The following ASTN2 variants were observed in gnomAD, a reference collection of about 807,000 sequenced individuals.
ASTN2 encodes the protein astrotactin 2.
In ASTN2, 54 loss-of-function variants were observed where a neutral mutation model predicts 139.8. The observed-to-expected ratio is 0.39, with a 90% CI of 0.31 to 0.48. The LOEUF is 0.48. Among genes scored for constraint, ASTN2 ranks in the 20% least tolerant of loss-of-function variants. ASTN2 has a pLI of 0.95. For missense variants in ASTN2, 1,565 were observed against 1,725.1 expected (o/e 0.91, Z 1.64); for synonymous variants, 756 against 719.5 (o/e 1.05, Z -0.81).
chr9:116,657,240 C>T (rs1858271015), intron 16 of ASTN2, among the ~76,000 whole-genome samples: 1 of 152,192 alleles, frequency 6.6e-6, no homozygotes, highest in Non-Finnish European at 1.5e-5. Context: ...AATCAAAGTC[C>T]TGCATCATTA....
intron 13 of ASTN2, among the ~76,000 whole-genome samples, chr9:116,799,314 G>A (rs1403679193): frequency 6.6e-6 from 1 of 152,154 alleles, no homozygotes; most frequent in Non-Finnish European, 1.5e-5. Context: ...AGCGTGGGTT[G>A]TGGGTGCTGA....
intron 10 of ASTN2, among the ~76,000 whole-genome samples, chr9:116,876,147 T>A (rs576519136): frequency 1.3e-5 from 2 of 152,326 alleles, no homozygotes; most frequent in East Asian, 3.9e-4. Context: ...GAGGTCAAAA[T>A]ATCAATATTA....
intron 1 of ASTN2, among the ~76,000 whole-genome samples, chr9:117,366,233 A>G (rs958597399): frequency 3.3e-5 from 5 of 152,168 alleles, no homozygotes; most frequent in Middle Eastern, 3.2e-3. Context: ...AATACACTCA[A>G]TGATCATGCT....
intron 10 of ASTN2, among the ~76,000 whole-genome samples, chr9:116,907,004 C>A (rs745426460): frequency 1.3e-5 from 2 of 152,142 alleles, no homozygotes; most frequent in Non-Finnish European, 2.9e-5. Context: ...TATTGAGCAA[C>A]TATAATGTAA....
At chr9:116,763,210 T>C (rs1299007386) in intron 13 of ASTN2, among the ~76,000 whole-genome samples, 1 of 152,206 alleles carries the variant, frequency 6.6e-6, no homozygotes, top group Non-Finnish European at 1.5e-5. Flanking sequence ...ATGTTTAGCA[T>C]GTCGTTTGGC....
At chr9:116,512,291 T>C (rs1442847237) in intron 19 of ASTN2, among the ~76,000 whole-genome samples, 1 of 152,238 alleles carries the variant, frequency 6.6e-6, no homozygotes, top group Non-Finnish European at 1.5e-5. Flanking sequence ...CGTTGCTCAG[T>C]TTCCAGGTAG....
chr9:116,484,199 T>C (rs1318582445), intron 20 of ASTN2, among the ~76,000 whole-genome samples: 1 of 152,200 alleles, frequency 6.6e-6, no homozygotes, highest in African/African-American at 2.4e-5. Context: ...AAGAAGAAAG[T>C]GGCTAACACG....
chr9:117,094,104 A>C, intron 5 of ASTN2, among the ~76,000 whole-genome samples: 1 of 131,730 alleles, frequency 7.6e-6, no homozygotes, highest in East Asian at 2.8e-4. Context: ...AGGAAGAAAG[A>C]AAGGAGGGAG....
At chr9:117,116,856 A>G (rs1829408198) in intron 4 of ASTN2, among the ~76,000 whole-genome samples, 1 of 150,164 alleles carries the variant, frequency 6.7e-6, no homozygotes, top group Admixed American at 6.6e-5. Context: ...AAAAAAAAAA[A>G]AAAAAAAAAG....
intron 3 of ASTN2, among the ~76,000 whole-genome samples, chr9:117,157,838 A>C (rs1830464417): frequency 6.6e-6 from 1 of 152,008 alleles, no homozygotes; most frequent in Admixed American, 6.6e-5. Flanking sequence ...TAGTCTGTAT[A>C]ACATATATAA....
intron 1 of ASTN2, among the ~76,000 whole-genome samples, chr9:117,313,504 T>C (rs1196643514): frequency 6.6e-6 from 1 of 152,146 alleles, no homozygotes; most frequent in Non-Finnish European, 1.5e-5. Flanking sequence ...TAATGATGCC[T>C]TAAGAAGCAA....
At chr9:117,391,365 GT>G (rs1441536041) in intron 1 of ASTN2, among the ~76,000 whole-genome samples, 1 of 152,178 alleles carries the variant, frequency 6.6e-6, no homozygotes, top group Non-Finnish European at 1.5e-5. Context: ...CACATGGCTG[GT>G]GAGGCCTCAC....
chr9:116,840,509 A>ACC (rs748543769), intron 11 of ASTN2, among the ~76,000 whole-genome samples: 12 of 32,212 alleles, frequency 3.7e-4, no homozygotes, highest in East Asian at 1.9e-3. Context: ...CGGGGGGCTG[A>ACC]CCCCCCCCAC....
chr9:117,214,611 G>A lies in ASTN2; in HGVS notation c.762C>T (p.Tyr254=), dbSNP rs773440555. The A allele has an allele frequency of 1.9e-6, 3 of 1,595,406 alleles. No homozygotes were observed. Among genetic ancestry groups the A allele is most frequent in the African/African-American group, 2.7e-5 (2 of 74,652 alleles). The change falls in exon 3 of 23, where the codon TAC becomes TAT. Residue 254 remains tyrosine (Y), a synonymous_variant. Transcript: ENST00000313400. The part of the protein sequence containing the change: ...ASTEATHEIH[Y]IPSVLLGPQA... Reference sequence around the variant, plus strand: ...GGGGACCCAGCAGCACAGATGGGATGTAGTGGATCTCATGAGTGGCTTCTG... The same window carrying A: ...GGGGACCCAGCAGCACAGATGGGATATAGTGGATCTCATGAGTGGCTTCTG...
intron 4 of ASTN2, among the ~76,000 whole-genome samples, chr9:117,123,331 T>C (rs1357943195): frequency 2.0e-5 from 3 of 151,980 alleles, no homozygotes; most frequent in Non-Finnish European, 1.5e-5. Flanking sequence ...AGAGGCCATA[T>C]GTGTCACAGT....
At chr9:117,311,479 G>T (rs140592155) in intron 1 of ASTN2, among the ~76,000 whole-genome samples, 1 of 152,204 alleles carries the variant, frequency 6.6e-6, no homozygotes, top group East Asian at 1.9e-4. Flanking sequence ...TTCACACCAA[G>T]TGAGAAGGGA....
chr9:117,345,062 G>C (rs893902341), intron 1 of ASTN2, among the ~76,000 whole-genome samples: 3 of 152,024 alleles, frequency 2.0e-5, no homozygotes, highest in Non-Finnish European at 4.4e-5. Flanking sequence ...GAGGTGGGAG[G>C]GTCCATGGAG....
chr9:116,863,332 C>A (rs1832939437), intron 11 of ASTN2, among the ~76,000 whole-genome samples: 1 of 152,184 alleles, frequency 6.6e-6, no homozygotes, highest in Non-Finnish European at 1.5e-5. Flanking sequence ...TTCTCTAAGA[C>A]CTATTGTGTG....
rs1367989872 is a variant in ASTN2 at position 117,179,146 on chromosome 9, A to G, written c.1015+35212T>C. ...GAAGGCTTACTATGTGCCAGGAAAT[A>G]TCCCATGTGCTGATTACAGAGTATG... On this transcript the variant is annotated intron_variant, in intron 3 of 22. Coordinates refer to ENST00000313400, the MANE Select transcript of ASTN2 (RefSeq NM_001365068.1). Among the ~76,000 whole-genome samples, 4 of 152,206 alleles carry G rather than the reference A, an allele frequency of 2.6e-5. No individual in the cohort carries two copies. In the East Asian group the frequency reaches 7.7e-4, roughly 29 times the overall value.
Sources: allele counts gnomAD v4.1 joint callset (sites outside exome capture counted in the v4.1 genomes callset), GRCh38; gene constraint gnomAD v4.1.1; transcripts MANE v1.5; gene names NCBI Gene and HGNC (gene_info 2026-07-23, HGNC 2026-07-21).